Variants in TRAPPC9 observed in about 807,000 individuals in gnomAD.
TRAPPC9 encodes trafficking protein particle complex subunit 9, also known as IKK2 binding protein.
A neutral mutation model predicts 124.0 loss-of-function variants in TRAPPC9; 83 were observed. That is an observed-to-expected ratio of 0.67 (90% CI 0.56 to 0.80). The LOEUF (loss-of-function observed/expected upper bound fraction) is 0.80, where lower values mean the gene tolerates loss of function less well. Ranked by LOEUF, TRAPPC9 falls within the 30% of genes least tolerant of loss-of-function variation. The pLI, the probability that TRAPPC9 is intolerant of heterozygous loss-of-function variation, is 0.00. For synonymous variants in TRAPPC9, 638 were observed against 617.5 expected (o/e 1.03, Z -0.49); for missense variants, 1,302 against 1,508.3 (o/e 0.86, Z 2.27).
At chr8:140,245,591 C>A (rs1415080258) in intron 16 of TRAPPC9, among the ~76,000 whole-genome samples, 1 of 152,170 alleles carries the variant, frequency 6.6e-6, no homozygotes, top group Admixed American at 6.5e-5. Context: ...ACAATCATCA[C>A]CATCATCTAT....
chr8:140,387,873 G>A (rs1248537865), intron 7 of TRAPPC9, among the ~76,000 whole-genome samples: 3 of 152,104 alleles, frequency 2.0e-5, no homozygotes, highest in South Asian at 2.1e-4. Flanking sequence ...ACCACTACTG[G>A]GTATATACCG....
At chr8:139,743,045 G>A (rs1482952454) in intron 21 of TRAPPC9, among the ~76,000 whole-genome samples, 1 of 152,194 alleles carries the variant, frequency 6.6e-6, no homozygotes, top group African/African-American at 2.4e-5. Context: ...AGCAGGGGAG[G>A]AGAAAATGTG....
At chr8:140,046,587 G>A (rs970917638) in intron 17 of TRAPPC9, among the ~76,000 whole-genome samples, 2 of 152,230 alleles carry the variant, frequency 1.3e-5, no homozygotes, top group African/African-American at 4.8e-5. Context: ...GGTTCCCAGA[G>A]CATTCTTGGA....
intron 17 of TRAPPC9, among the ~76,000 whole-genome samples, chr8:140,078,934 C>T (rs115243790): frequency 0.052 from 7,926 of 152,178 alleles, 256 homozygotes; most frequent in East Asian, 0.077. Context: ...TATGGTTTGG[C>T]TGTGTCCCCA....
chr8:140,303,033 T>C (rs2066027233), intron 10 of TRAPPC9, among the ~76,000 whole-genome samples: 1 of 152,338 alleles, frequency 6.6e-6, no homozygotes, highest in African/African-American at 2.4e-5. Context: ...GGCTGCATCC[T>C]GATTGGTGTC....
At chr8:140,426,670 T>C in intron 4 of TRAPPC9, 29 bp from the exon 5 acceptor site, 1 of 1,611,116 alleles carries the variant, frequency 6.2e-7, no homozygotes, top group Non-Finnish European at 8.5e-7. Context: ...TATGGTATTT[T>C]ATTTGGAAAA....
At chr8:139,898,493 C>T (rs1465368969) in intron 20 of TRAPPC9, among the ~76,000 whole-genome samples, 5 of 152,202 alleles carry the variant, frequency 3.3e-5, no homozygotes, top group Non-Finnish European at 5.9e-5. Context: ...CACAGTTTAT[C>T]AGCGAATGTC....
chr8:139,876,132 C>A (rs1018013466), intron 21 of TRAPPC9, among the ~76,000 whole-genome samples: 2 of 152,218 alleles, frequency 1.3e-5, no homozygotes, highest in African/African-American at 4.8e-5. Flanking sequence ...CACATGATGT[C>A]CATGTTACAC....
At chr8:140,426,486 G>T (rs2070427553) in intron 5 of TRAPPC9, 129 bp downstream of exon 5, 2 of 992,848 alleles carry the variant, frequency 2.0e-6, no homozygotes, top group Non-Finnish European at 3.2e-6. Context: ...TAACAGTTCT[G>T]ATTTAAAGTT....
At chr8:139,808,317 C>T (rs181222955) in intron 21 of TRAPPC9, among the ~76,000 whole-genome samples, 5 of 152,148 alleles carry the variant, frequency 3.3e-5, no homozygotes, top group Non-Finnish European at 7.4e-5. Context: ...AAAAATTAGC[C>T]GGGCGTGGTG....
intron 19 of TRAPPC9, among the ~76,000 whole-genome samples, chr8:139,953,204 A>G (rs1021642546): frequency 6.6e-6 from 1 of 152,280 alleles, no homozygotes; most frequent in African/African-American, 2.4e-5. Context: ...AAAACTTGTA[A>G]AAGTAGGCCA....
At chr8:139,785,962 C>A (rs189391457) in intron 21 of TRAPPC9, among the ~76,000 whole-genome samples, 98 of 152,176 alleles carry the variant, frequency 6.4e-4, no homozygotes, top group Admixed American at 2.2e-3. Context: ...AATCCCAGCA[C>A]TTTCGGAGGC....
chr8:139,733,785 A>G (rs1817987721), intron 21 of TRAPPC9, among the ~76,000 whole-genome samples: 1 of 152,220 alleles, frequency 6.6e-6, no homozygotes, highest in Admixed American at 6.5e-5. Flanking sequence ...AGGATCCTGG[A>G]AACACCCTGA....
intron 21 of TRAPPC9, among the ~76,000 whole-genome samples, chr8:139,760,308 GCAGA>G (rs948912069): frequency 3.9e-5 from 6 of 152,264 alleles, no homozygotes; most frequent in Non-Finnish European, 5.9e-5. Flanking sequence ...CTGAAGGAAA[GCAGA>G]CAGACAGCTT....
chr8:139,978,243 C>G (rs2665954), intron 19 of TRAPPC9, among the ~76,000 whole-genome samples: 1 of 151,738 alleles, frequency 6.6e-6, no homozygotes, highest in East Asian at 1.9e-4. Context: ...ACCTTTTTAA[C>G]GAAATGCAAA....
chr8:140,317,662 T>C (rs1332567385), intron 9 of TRAPPC9, among the ~76,000 whole-genome samples: 1 of 152,096 alleles, frequency 6.6e-6, no homozygotes. Context: ...CAACGAAAAA[T>C]AAAAGATTTG....
At chr8:140,396,138 CTTTT>C (rs59266343) in intron 7 of TRAPPC9, among the ~76,000 whole-genome samples, 2 of 83,352 alleles carry the variant, frequency 2.4e-5, no homozygotes, top group Non-Finnish European at 2.1e-5. Flanking sequence ...AAGACCTTGC[CTTTT>C]TTTTTTTTTT....
intron 7 of TRAPPC9, among the ~76,000 whole-genome samples, chr8:140,386,368 G>A (rs2068755991): frequency 6.6e-6 from 1 of 152,220 alleles, no homozygotes; most frequent in Non-Finnish European, 1.5e-5. Context: ...AAAAGAGGAA[G>A]TCAAATTGTC....
chr8:140,419,881 G>A (rs758839594), intron 5 of TRAPPC9, among the ~76,000 whole-genome samples: 7 of 151,226 alleles, frequency 4.6e-5, no homozygotes, highest in African/African-American at 1.2e-4. Flanking sequence ...GTGAGACTCC[G>A]TCTCAAAAAA....
Sources: allele counts gnomAD v4.1 joint callset (sites outside exome capture counted in the v4.1 genomes callset), GRCh38; gene constraint gnomAD v4.1.1; transcripts MANE v1.5; gene names NCBI Gene and HGNC (gene_info 2026-07-23, HGNC 2026-07-21).